The following ZFP90 variants were observed in gnomAD, a reference collection of about 807,000 sequenced individuals.
ZFP90 encodes the protein ZFP90 zinc finger protein.
In ZFP90, 38 loss-of-function variants were observed where a neutral mutation model predicts 60.8. That is an observed-to-expected ratio of 0.62 (90% CI 0.48 to 0.82). The LOEUF is 0.82. ZFP90 is among the 40% of genes least tolerant of loss of function. ZFP90 has a pLI of 0.00. For synonymous variants in ZFP90, 287 were observed against 264.8 expected (o/e 1.08, Z -0.82); for missense variants, 711 against 759.1 (o/e 0.94, Z 0.74).
chr16:68,564,195 A>AT lies in ZFP90; in HGVS notation c.1408_1409insT (p.Arg470MetfsTer10), dbSNP rs1567411672. Reference sequence around the variant, plus strand: ...CATTACAGACTTTACTGACCATCAGAGGATCCATACTGCAGAGAACCCCTA... The same window carrying AT: ...CATTACAGACTTTACTGACCATCAGATGGATCCATACTGCAGAGAACCCCTA... On this transcript the variant is annotated frameshift_variant, in exon 5 of 5. Transcript: ENST00000563169. LOFTEE classifies it high-confidence loss of function. The AT allele has an allele frequency of 6.2e-7, 1 of 1,614,128 alleles. No homozygotes were observed. The highest frequency in any genetic ancestry group is 8.5e-7 in the Non-Finnish European group (1 of 1,180,008).
intron 2 of ZFP90, among the ~76,000 whole-genome samples, chr16:68,540,566 C>T (rs1382868241): frequency 3.3e-5 from 5 of 152,108 alleles, no homozygotes; most frequent in Non-Finnish European, 7.4e-5. Context: ...GGTGAAAATA[C>T]ATCAAGATCC....
intron 2 of ZFP90, among the ~76,000 whole-genome samples, chr16:68,542,459 C>T (rs1042564542): frequency 1.6e-4 from 25 of 151,980 alleles, no homozygotes; most frequent in African/African-American, 5.3e-4. Context: ...GCCATGGTGA[C>T]GGGCGCCTGT....
downstream of ZFP90, chr16:68,576,144 A>G (rs1471483921): frequency 9.5e-6 from 2 of 211,572 alleles, no homozygotes; most frequent in African/African-American, 4.6e-5. Flanking sequence ...TATCCCTGAA[A>G]ACCAACAGCC....
intron 4 of ZFP90, among the ~76,000 whole-genome samples, chr16:68,560,897 T>TC (rs398119470): frequency 6.7e-6 from 1 of 148,516 alleles, no homozygotes; most frequent in Non-Finnish European, 1.5e-5. Flanking sequence ...CTTTTTTTTT[T>TC]CCGAGATGGA....
upstream of ZFP90, among the ~76,000 whole-genome samples, chr16:68,534,522 C>A (rs967680497): frequency 2.0e-5 from 3 of 151,102 alleles, no homozygotes; most frequent in African/African-American, 7.3e-5. Flanking sequence ...GCCACTGCGC[C>A]CGGCCATTTT....
upstream of ZFP90, among the ~76,000 whole-genome samples, chr16:68,534,501 T>G (rs1395137772): frequency 6.6e-5 from 10 of 151,596 alleles, no homozygotes; most frequent in Non-Finnish European, 1.5e-4. Context: ...GTGCTAGGAT[T>G]ACAGGCGTGA....
At chr16:68,545,939 C>T (rs2091142518) in intron 2 of ZFP90, among the ~76,000 whole-genome samples, 1 of 152,190 alleles carries the variant, frequency 6.6e-6, no homozygotes, top group South Asian at 2.1e-4. Flanking sequence ...CTTTGGGAGG[C>T]CGAGACAGGC....
At chr16:68,567,147 C>T (rs558937648), downstream of ZFP90, 158 of 985,486 alleles carry the variant, frequency 1.6e-4, no homozygotes, top group Non-Finnish European at 1.7e-4. Flanking sequence ...GTCAGTTTGT[C>T]GTTTTCAATT....
chr16:68,537,471 G>A (rs188679618), upstream of ZFP90, among the ~76,000 whole-genome samples: 2 of 152,242 alleles, frequency 1.3e-5, no homozygotes, highest in Admixed American at 1.3e-4. Flanking sequence ...GCCTCAGAGA[G>A]GCCTCCCGGT....
chr16:68,551,716 A>G (rs1386392567), intron 2 of ZFP90, among the ~76,000 whole-genome samples: 1 of 148,396 alleles, frequency 6.7e-6, no homozygotes, highest in Non-Finnish European at 1.5e-5. Flanking sequence ...TGTCTGGAAC[A>G]TGTGATACTT....
downstream of ZFP90, chr16:68,567,260 C>A: frequency 1.5e-6 from 1 of 674,438 alleles, no homozygotes; most frequent in Non-Finnish European, 1.8e-6. Context: ...TTATTGAATG[C>A]TTACTACTTT....
At chr16:68,542,227 C>G (rs1333803568) in intron 2 of ZFP90, among the ~76,000 whole-genome samples, 1 of 152,070 alleles carries the variant, frequency 6.6e-6, no homozygotes, top group Non-Finnish European at 1.5e-5. Flanking sequence ...CCAGAGGCTG[C>G]TTGGAGTTGA....
At chr16:68,544,864 C>CTTTTTTTTTTTTT (rs71148911) in intron 2 of ZFP90, among the ~76,000 whole-genome samples, 1 of 66,568 alleles carries the variant, frequency 1.5e-5, no homozygotes, top group Non-Finnish European at 2.7e-5. Flanking sequence ...CTGTGAACAC[C>CTTTTTTTTTTTTT]TTTTTTTTTT....
At chr16:68,570,901 G>A (rs550161213), downstream of ZFP90, among the ~76,000 whole-genome samples, 44 of 152,250 alleles carry the variant, frequency 2.9e-4, no homozygotes, top group Admixed American at 2.6e-3. Flanking sequence ...TTCCCCCAGG[G>A]CTCAGTTCTG....
intron 2 of ZFP90, among the ~76,000 whole-genome samples, chr16:68,545,005 G>A (rs1196691227): frequency 1.3e-5 from 2 of 149,754 alleles, no homozygotes; most frequent in Admixed American, 1.4e-4. Flanking sequence ...TCAGCCTCCA[G>A]AGTAGCTGGG....
chr16:68,535,535 T>C (rs1289446303), upstream of ZFP90: 2 of 152,138 alleles, frequency 1.3e-5, no homozygotes, highest in African/African-American at 4.8e-5. Flanking sequence ...AGTGGCAGTA[T>C]CTTAACCAAT....
chr16:68,539,330 C>G lies in ZFP90; in HGVS notation c.-185C>G, dbSNP rs2090991231. ...CCCACCGCTGCGGCCATTGTCCGAC[C>G]CCGGTGCGGCTGAGGCCCCTTTGGG... On this transcript the variant is annotated 5_prime_UTR_variant, in exon 1 of 5. Transcript: ENST00000563169. 5.7e-6 allele frequency: 1 copy of G among 174,002 alleles called. No homozygotes were observed. The highest frequency in any genetic ancestry group is 6.3e-5 in the Admixed American group (1 of 15,854). 10.8% of individuals were successfully genotyped at this position (174,002 alleles called of 1,614,324 possible). A position where few individuals can be genotyped will look rare whatever the true frequency, so the allele number is the denominator to read the frequency against.
At chr16:68,538,436 C>T (rs1017471167), upstream of ZFP90, among the ~76,000 whole-genome samples, 2 of 152,080 alleles carry the variant, frequency 1.3e-5, no homozygotes, top group Non-Finnish European at 2.9e-5. Flanking sequence ...TGAAAATTTC[C>T]ATCGGGCCGG....
intron 2 of ZFP90, among the ~76,000 whole-genome samples, chr16:68,551,072 A>T (rs2091251871): frequency 1.3e-5 from 2 of 152,334 alleles, no homozygotes; most frequent in South Asian, 4.1e-4. Flanking sequence ...CTTAGTGCTT[A>T]AGTGGAGATA....
Sources: gnomAD v4.1 joint callset for allele counts (sites outside exome capture counted in the v4.1 genomes callset) on GRCh38, gnomAD v4.1.1 for gene constraint, MANE v1.5 for transcripts, NCBI Gene and HGNC (gene_info 2026-07-23, HGNC 2026-07-21) for gene names.